The following GALNT9 variants were observed in gnomAD, a reference collection of about 807,000 sequenced individuals.
GALNT9 encodes the protein GalNAc transferase 9.
GALNT9 carries 47 observed loss-of-function variants against 63.1 expected under a neutral mutation model. The ratio of observed to expected loss-of-function variants is 0.75; its 90% CI spans 0.59 to 0.95. The LOEUF (loss-of-function observed/expected upper bound fraction) is 0.95. Among genes scored for constraint, GALNT9 ranks in the 40% least tolerant of loss-of-function variants. The pLI, the probability that GALNT9 is intolerant of heterozygous loss-of-function variation, is 0.00. For synonymous variants in GALNT9, 396 were observed against 365.7 expected, an observed-to-expected ratio of 1.08 and a Z score of -0.94; for missense variants, 829 against 874.8, an observed-to-expected ratio of 0.95 and a Z score of 0.66.
chr12:132,273,748 G>A (rs566800320), intron 2 of GALNT9: 2 of 152,278 alleles, frequency 1.3e-5, no homozygotes, highest in African/African-American at 4.8e-5. Context: ...GCAAGATCAC[G>A]GCACCCAGGA....
At chr12:132,210,400 G>A (rs1046661133) in intron 6 of GALNT9, among the ~76,000 whole-genome samples, 5 of 152,340 alleles carry the variant, frequency 3.3e-5, no homozygotes, top group Admixed American at 3.3e-4. Context: ...TCCTGGAAGC[G>A]CTGGGGACAT....
chr12:132,288,972 C>T (rs1295474775), intron 1 of GALNT9, among the ~76,000 whole-genome samples: 2 of 152,216 alleles, frequency 1.3e-5, no homozygotes, highest in Admixed American at 1.3e-4. Context: ...GCCCGGCGTT[C>T]TGAGGTCAGC....
chr12:132,259,047 T>C (rs1055450449), intron 4 of GALNT9, among the ~76,000 whole-genome samples: 1 of 152,330 alleles, frequency 6.6e-6, no homozygotes, highest in South Asian at 2.1e-4. Flanking sequence ...CTTCTGAGCA[T>C]GAGGCCTGGT....
Position 132,286,126 on chromosome 12 carries a change from C to CCGGCGGGCG in GALNT9, c.419+123_419+124insCGCCCGCCG. 1 of 1,149,364 alleles carries CCGGCGGGCG rather than the reference C, an allele frequency of 8.7e-7. No homozygotes were observed. The allele number at this position is 1,149,364 out of a possible 1,614,324, so 71.2% of individuals were successfully genotyped here. A position where few individuals can be genotyped will look rare whatever the true frequency, so the allele number is the denominator to read the frequency against. ...GCGGGCGTGGGGGGCGGTCACTTCCCTGGCGGGCGTGGGGGCCGCTCACTT... is the reference window on the plus strand; with the variant it reads ...GCGGGCGTGGGGGGCGGTCACTTCCCCGGCGGGCGTGGCGGGCGTGGGGGCCGCTCACTT... On this transcript the variant is annotated intron_variant, in intron 2 of 10. Coordinates refer to ENST00000328957, the MANE Select transcript of GALNT9 (RefSeq NM_001122636.2). This position sits in a 1 kb window ranked among gnomAD's most constrained non-coding sequence, Gnocchi z 7.4.
intron 2 of GALNT9, among the ~76,000 whole-genome samples, chr12:132,276,726 C>T (rs1012997389): frequency 2.0e-5 from 3 of 152,306 alleles, no homozygotes; most frequent in African/African-American, 7.2e-5. Context: ...TCCCATGGGC[C>T]AGTCTTAATA....
At chr12:132,213,935 C>T (rs1205962214) in intron 6 of GALNT9, among the ~76,000 whole-genome samples, 1 of 152,212 alleles carries the variant, frequency 6.6e-6, no homozygotes, top group Non-Finnish European at 1.5e-5. Context: ...AGGCCCAACC[C>T]CACCCCCTAT....
At chr12:132,267,818 C>T (rs1273809415) in intron 2 of GALNT9, among the ~76,000 whole-genome samples, 3 of 149,738 alleles carry the variant, frequency 2.0e-5, no homozygotes, top group African/African-American at 7.5e-5. Flanking sequence ...CACACGCACT[C>T]ACACATGCAG....
At chr12:132,213,200 C>T (rs530582421) in intron 6 of GALNT9, among the ~76,000 whole-genome samples, 1 of 48,418 alleles carries the variant, frequency 2.1e-5, no homozygotes, top group African/African-American at 7.3e-5. Flanking sequence ...CTTCAGACCT[C>T]GACACGGAAA....
chr12:132,252,694 C>A lies in GALNT9; in HGVS notation c.960-4667G>T, dbSNP rs969258172. 2.0e-5 allele frequency among the ~76,000 whole-genome samples: 3 copies of A among 152,082 alleles called. No homozygotes were observed. The highest frequency in any genetic ancestry group is 7.2e-5 in the African/African-American group (3 of 41,400). On this transcript the variant is annotated intron_variant, in intron 5 of 10. Coordinates refer to ENST00000328957, the MANE Select transcript of GALNT9 (RefSeq NM_001122636.2). This position sits in a 1 kb window ranked among gnomAD's most constrained non-coding sequence, Gnocchi z 5.2. The stretch of plus-strand genomic sequence containing the variant: ...GGGAGTTCGAGACCAGCCTGACCAA[C>A]ATGGAGAAACCCCGTCTCTACTAAA...
In GALNT9 at chr12:132,315,585, T is replaced by C. The variant is rs961278583; in HGVS notation, c.238+13381A>G. ...CTGTGGAAAGTAAAAATAGCCCCTT[T>C]CTGCCGTGGGATGTGGGCGAGGTTG... On this transcript the variant is annotated intron_variant, in intron 1 of 10. Coordinates refer to ENST00000328957, the MANE Select transcript of GALNT9 (RefSeq NM_001122636.2). The surrounding 1 kb of genome is among the most constrained non-coding windows in gnomAD (Gnocchi z 6.1). Among the ~76,000 whole-genome samples the C allele has an allele frequency of 6.6e-6, 1 of 152,214 alleles. No individual in the cohort carries two copies. The highest frequency in any genetic ancestry group is 2.4e-5 in the African/African-American group (1 of 41,464).
In GALNT9 at chr12:132,329,465, G is replaced by T; in HGVS notation, c.-262C>A. ...CGCTCAGAGGGCGCGGCCCCGCCCCGGGGAGCGGTGAGGGGGGCCGGGGGC... is the reference window on the plus strand; with the variant it reads ...CGCTCAGAGGGCGCGGCCCCGCCCCTGGGAGCGGTGAGGGGGGCCGGGGGC... On this transcript the variant is annotated 5_prime_UTR_variant, in exon 1 of 11. Transcript: ENST00000328957. 4.9e-6 allele frequency: 1 copy of T among 205,226 alleles called. No individual in the cohort carries two copies. Among genetic ancestry groups the T allele is most frequent in the South Asian group, 1.8e-4 (1 of 5,672 alleles). 12.7% of individuals were successfully genotyped at this position (205,226 alleles called of 1,614,324 possible).
At chr12:132,321,892 C>T (rs554722191) in intron 1 of GALNT9, among the ~76,000 whole-genome samples, 2 of 152,264 alleles carry the variant, frequency 1.3e-5, no homozygotes, top group East Asian at 1.9e-4. Flanking sequence ...CAGGGCCACA[C>T]TCCCTCTGAA....
intron 1 of GALNT9, among the ~76,000 whole-genome samples, chr12:132,325,060 C>T (rs1342790113): frequency 1.3e-5 from 2 of 151,990 alleles, no homozygotes; most frequent in Non-Finnish European, 2.9e-5. Flanking sequence ...TGCCACCCCA[C>T]TTCAGACCTT....
At chr12:132,307,805 G>A (rs1315349536) in intron 1 of GALNT9, among the ~76,000 whole-genome samples, 1 of 152,162 alleles carries the variant, frequency 6.6e-6, no homozygotes, top group African/African-American at 2.4e-5. Flanking sequence ...ATGCACTCCA[G>A]CCTGGGCGAC....
At position 132,238,089 on chromosome 12, in the gene GALNT9, G is replaced by A. The variant is rs1460208537; in HGVS notation, c.1077+9821C>T. 6.6e-6 allele frequency among the ~76,000 whole-genome samples: 1 copy of A among 152,204 alleles called. No individual in the cohort carries two copies. The highest frequency in any genetic ancestry group is 2.4e-5 in the African/African-American group (1 of 41,434). Reference sequence around the variant, plus strand: ...GTCACGTGTGTTTCCTGTGGCTGCCGTCCGCCACGAATTCCACAGCTCGGT... The same window carrying A: ...GTCACGTGTGTTTCCTGTGGCTGCCATCCGCCACGAATTCCACAGCTCGGT... On this transcript the variant is annotated intron_variant, in intron 6 of 10. Coordinates refer to ENST00000328957, the MANE Select transcript of GALNT9 (RefSeq NM_001122636.2). The surrounding 1 kb of genome is among the most constrained non-coding windows in gnomAD (Gnocchi z 6.5).
At chr12:132,229,767 C>T (rs1379350379) in intron 6 of GALNT9, among the ~76,000 whole-genome samples, 9 of 152,230 alleles carry the variant, frequency 5.9e-5, no homozygotes, top group African/African-American at 2.2e-4. Context: ...CAACTCAGTG[C>T]CAGTTACGGG....
rs540826485 is a variant in GALNT9 at position 132,312,841 on chromosome 12, C to T, written c.238+16125G>A. Among the ~76,000 whole-genome samples the T allele has an allele frequency of 4.7e-4, 71 of 152,278 alleles. 2 individuals are homozygous for T. In the South Asian group the frequency reaches 0.014, roughly 31 times the overall value. ...CGTCTCTGCCCCCAGGGTGGATCCC[C>T]TTCTGCCGGGGCCCAAGCCAAAGAT... On this transcript the variant is annotated intron_variant, in intron 1 of 10. Transcript: ENST00000328957.
At chr12:132,269,051 C>T (rs1879765848) in intron 2 of GALNT9, among the ~76,000 whole-genome samples, 1 of 152,238 alleles carries the variant, frequency 6.6e-6, no homozygotes. Context: ...GGACTGTTTG[C>T]CTCCATTAGA....
In GALNT9 at chr12:132,246,209, T is replaced by G. The variant is rs546595475; in HGVS notation, c.1077+1701A>C. 1.3e-4 allele frequency among the ~76,000 whole-genome samples: 20 copies of G among 152,364 alleles called. 2 individuals carry two copies. The South Asian group carries it at 3.9e-3, about 30-fold the overall frequency. On this transcript the variant is annotated intron_variant, in intron 6 of 10. Transcript: ENST00000328957. The surrounding 1 kb of genome is among the most constrained non-coding windows in gnomAD (Gnocchi z 4.7). ...AGGGAAGTCAGAATATTAAAGAACCTGCCAGATTAACTTCCAGCTTCCATT... is the reference window on the plus strand; with the variant it reads ...AGGGAAGTCAGAATATTAAAGAACCGGCCAGATTAACTTCCAGCTTCCATT...
Sources: gnomAD v4.1 joint callset for allele counts (sites outside exome capture counted in the v4.1 genomes callset) on GRCh38, gnomAD v4.1.1 for gene constraint, Gnocchi (gnomAD v3.1) non-coding constraint, MANE v1.5 for transcripts, NCBI Gene and HGNC (gene_info 2026-07-23, HGNC 2026-07-21) for gene names.